RIMS2: variants seen among roughly 807,000 people sequenced by gnomAD.
The protein encoded by RIMS2 is regulating synaptic membrane exocytosis 2, also known as regulating synaptic membrane exocytosis protein 2.
In RIMS2, 59 loss-of-function variants were observed where a neutral mutation model predicts 174.4. That is an observed-to-expected ratio of 0.34 (90% CI 0.27 to 0.42). RIMS2 has a LOEUF of 0.42. Among genes scored for constraint, RIMS2 ranks in the 10% least tolerant of loss-of-function variants. The probability of loss-of-function intolerance (pLI) is 1.00; values close to 1 mark genes in which losing one functional copy is unlikely to be tolerated. For missense variants in RIMS2, 1,620 were observed against 1,666.3 expected (o/e 0.97, Z 0.48); for synonymous variants, 606 against 572.5 (o/e 1.06, Z -0.84).
rs147720777 is a variant in RIMS2 at position 104,171,767 on chromosome 8, C to T, written c.3335-73149C>T. Among the ~76,000 whole-genome samples, 295 of 152,226 alleles carry T rather than the reference C, an allele frequency of 1.9e-3. 2 individuals are homozygous for T. The highest frequency in any genetic ancestry group is 3.3e-3 in the Non-Finnish European group (226 of 67,996). ...TATGGTTCCCATTCATTTGGGTAAA[C>T]TATTTCTTGAAATTGTTCTTGAATT... On this transcript the variant is annotated intron_variant, in intron 19 of 23. Coordinates refer to ENST00000504942, the Ensembl canonical transcript of RIMS2.
chr8:104,105,625 T>G (rs1192529417), intron 19 of RIMS2, among the ~76,000 whole-genome samples: 1 of 152,112 alleles, frequency 6.6e-6, no homozygotes, highest in African/African-American at 2.4e-5. Context: ...TAAAGTGTAA[T>G]GGTGCTATCA....
intron 17 of RIMS2, among the ~76,000 whole-genome samples, chr8:104,006,801 T>C (rs1170787429): frequency 6.6e-6 from 1 of 151,850 alleles, no homozygotes; most frequent in Non-Finnish European, 1.5e-5. Context: ...ACTGATAATA[T>C]ATATATATAT....
chr8:103,943,047 T>C lies in RIMS2; in HGVS notation c.2701+121T>C, dbSNP rs1348696031. The C allele has an allele frequency of 6.3e-5, 44 of 696,816 alleles. No individual in the cohort carries two copies. In the South Asian group the frequency reaches 6.6e-4, roughly 11 times the overall value. 43.2% of individuals were successfully genotyped at this position (696,816 alleles called of 1,614,324 possible). A position where few individuals can be genotyped will look rare whatever the true frequency, so the allele number is the denominator to read the frequency against. On this transcript the variant is annotated intron_variant, in intron 14 of 23. Coordinates refer to ENST00000504942, the Ensembl canonical transcript of RIMS2. Reference sequence around the variant, plus strand: ...TAATAGTCATTTGTTAGTGTTTCCATAGCTATGAATTGTTTGAAAACAATT... The same window carrying C: ...TAATAGTCATTTGTTAGTGTTTCCACAGCTATGAATTGTTTGAAAACAATT...
At chr8:104,142,120 C>CTTTTTTTT (rs71297257) in intron 19 of RIMS2, among the ~76,000 whole-genome samples, 11 of 131,990 alleles carry the variant, frequency 8.3e-5, no homozygotes, top group Non-Finnish European at 9.5e-5. Flanking sequence ...AAATATCTTC[C>CTTTTTTTT]TTTTTTTTTT....
At chr8:104,042,835 A>G (rs2096631324) in intron 19 of RIMS2, among the ~76,000 whole-genome samples, 1 of 151,570 alleles carries the variant, frequency 6.6e-6, no homozygotes. Context: ...GTAGCATATC[A>G]GCATTCAAGT....
chr8:104,177,035 A>G (rs2135739249), intron 19 of RIMS2, among the ~76,000 whole-genome samples: 1 of 152,278 alleles, frequency 6.6e-6, no homozygotes, highest in South Asian at 2.1e-4. Context: ...TAATCAACTC[A>G]TAGATATGTT....
At chr8:103,920,576 T>C in intron 9 of RIMS2, 2 of 446,394 alleles carry the variant, frequency 4.5e-6, no homozygotes, top group Non-Finnish European at 9.0e-6. Context: ...GTCTCTACTT[T>C]GACATTTGGT....
At chr8:104,154,033 A>G (rs569775022) in intron 19 of RIMS2, among the ~76,000 whole-genome samples, 159 of 152,224 alleles carry the variant, frequency 1.0e-3, no homozygotes, top group Non-Finnish European at 1.5e-3. Context: ...TGAGAATAAA[A>G]ATATGAACAC....
intron 19 of RIMS2, among the ~76,000 whole-genome samples, chr8:104,233,519 A>G: frequency 6.6e-6 from 1 of 152,166 alleles, no homozygotes; most frequent in South Asian, 2.1e-4. Flanking sequence ...TTGACAGTAG[A>G]GTACGTTTCT....
intron 1 of RIMS2, among the ~76,000 whole-genome samples, chr8:103,645,573 A>G (rs2096310710): frequency 6.6e-6 from 1 of 152,158 alleles, no homozygotes; most frequent in Admixed American, 6.6e-5. Context: ...CTGAGAGGGT[A>G]AAAACTAATA....
chr8:103,707,971 A>T (rs1037830527), intron 2 of RIMS2, among the ~76,000 whole-genome samples: 1 of 152,154 alleles, frequency 6.6e-6, no homozygotes, highest in Non-Finnish European at 1.5e-5. Flanking sequence ...CTGGGCTGGT[A>T]CCCAATTGTA....
chr8:103,633,586 T>A (rs2096000761), intron 1 of RIMS2, among the ~76,000 whole-genome samples: 1 of 152,206 alleles, frequency 6.6e-6, no homozygotes, highest in African/African-American at 2.4e-5. Context: ...CCTCAGTTAT[T>A]TCATATAGTT....
At chr8:103,690,104 G>A (rs1352600384) in intron 1 of RIMS2, among the ~76,000 whole-genome samples, 3 of 151,934 alleles carry the variant, frequency 2.0e-5, no homozygotes, top group Non-Finnish European at 4.4e-5. Flanking sequence ...GGGGTTACAG[G>A]CATGCACCAT....
exon 14 of RIMS2, chr8:103,942,891 A>G (rs745966569): frequency 1.9e-6 from 3 of 1,612,720 alleles, no homozygotes; most frequent in Non-Finnish European, 1.7e-6. Flanking sequence ...CCACGAAGAC[A>G]GCTCCATGGA....
chr8:103,680,683 C>T (rs957877192), intron 1 of RIMS2, among the ~76,000 whole-genome samples: 2 of 151,876 alleles, frequency 1.3e-5, no homozygotes, highest in African/African-American at 2.4e-5. Context: ...ACAGGAAATC[C>T]AATCCAGTAA....
Position 103,885,292 on chromosome 8 carries a change from A to G in RIMS2, c.699-6A>G, listed in dbSNP as rs757981777. On this transcript the variant is annotated splice_region_variant and splice_polypyrimidine_tract_variant and intron_variant, in intron 3 of 23. Transcript: ENST00000504942. ...TTCTCATTGTTCTTTTCCTTTGGTT[A>G]CTTAGGAAAAGAAGCCCATCTGTGT... is the stretch of plus-strand genomic sequence containing the variant. 1 of 1,553,714 alleles carries G rather than the reference A, an allele frequency of 6.4e-7. No homozygotes were observed. The highest frequency in any genetic ancestry group is 1.2e-5 in the South Asian group (1 of 82,252).
chr8:103,946,530 A>G (rs1056936586), intron 14 of RIMS2, among the ~76,000 whole-genome samples: 4 of 152,114 alleles, frequency 2.6e-5, no homozygotes. Context: ...AACAACAAAA[A>G]AATAAGAATG....
Position 103,734,921 on chromosome 8 carries a change from C to T in RIMS2, c.388-31306C>T, listed in dbSNP as rs188737638. 1.7e-4 allele frequency among the ~76,000 whole-genome samples: 20 copies of T among 117,048 alleles called. No individual in the cohort carries two copies. In the South Asian group the frequency reaches 2.0e-3, roughly 12 times the overall value. The allele number at this position is 117,048 out of a possible 152,430, so 76.8% of individuals were successfully genotyped here. A position where few individuals can be genotyped will look rare whatever the true frequency, so the allele number is the denominator to read the frequency against. On this transcript the variant is annotated intron_variant, in intron 2 of 23. Transcript: ENST00000504942. ...TTTTCTAATCACACTTCTGTGCCAC[C>T]GAAGGGCACAGGTTTTCTGTACTGT... is the stretch of plus-strand genomic sequence containing the variant.
At chr8:104,136,264 A>G (rs1359250784) in intron 19 of RIMS2, among the ~76,000 whole-genome samples, 1 of 152,206 alleles carries the variant, frequency 6.6e-6, no homozygotes, top group Non-Finnish European at 1.5e-5. Context: ...TTTAGCTAAA[A>G]GCAATAATAC....
Sources: allele counts gnomAD v4.1 joint callset (sites outside exome capture counted in the v4.1 genomes callset), GRCh38; gene constraint gnomAD v4.1.1; transcripts MANE v1.5; gene names NCBI Gene and HGNC (gene_info 2026-07-23, HGNC 2026-07-21).